FDFT1: variants seen among roughly 807,000 people sequenced by gnomAD.
FDFT1 encodes farnesyl-diphosphate farnesyltransferase 1.
In FDFT1, 68 loss-of-function variants were observed where a neutral mutation model predicts 46.8. The ratio of observed to expected loss-of-function variants is 1.45; its 90% confidence interval spans 1.19 to 1.78. The LOEUF (loss-of-function observed/expected upper bound fraction) is 1.78. Ranked by LOEUF, FDFT1 falls within the 40% of genes most tolerant of loss-of-function variation. The pLI, the probability that FDFT1 is intolerant of heterozygous loss-of-function variation, is 0.00. For missense variants in FDFT1, 928 were observed against 524.4 expected, an observed-to-expected ratio of 1.77 and a Z score of -7.52; for synonymous variants, 351 against 185.1, an observed-to-expected ratio of 1.90 and a Z score of -7.28.
chr8:11,827,884 A>G (rs1810220934), intron 5 of FDFT1, among the ~76,000 whole-genome samples: 1 of 148,952 alleles, frequency 6.7e-6, no homozygotes, highest in Admixed American at 6.6e-5. Context: ...TTAAAACAAA[A>G]CAAAACAAAA....
chr8:11,834,370 C>A (rs757602638), intron 7 of FDFT1, among the ~76,000 whole-genome samples: 1 of 152,218 alleles, frequency 6.6e-6, no homozygotes, highest in Non-Finnish European at 1.5e-5. Context: ...AAATGCTCAG[C>A]CAAACGGCCA....
chr8:11,809,166 G>GA, intron 2 of FDFT1: 1 of 1,284,580 alleles, frequency 7.8e-7, no homozygotes, highest in East Asian at 3.5e-5. Context: ...ACCTGCCTGT[G>GA]AGCAGGTCGT....
chr8:11,820,471 G>A (rs115541408), intron 3 of FDFT1, among the ~76,000 whole-genome samples: 3 of 141,358 alleles, frequency 2.1e-5, no homozygotes, highest in African/African-American at 7.5e-5. Context: ...ATCTAGAGAG[G>A]CAGTAGGCCT....
At chr8:11,796,366 G>T (rs781033859) in intron 1 of FDFT1, among the ~76,000 whole-genome samples, 3 of 152,166 alleles carry the variant, frequency 2.0e-5, no homozygotes, top group Non-Finnish European at 4.4e-5. Flanking sequence ...GCCACTGTGA[G>T]GTGGCGAAAC....
rs890279152 is a variant in FDFT1 at position 11,839,187 on chromosome 8, T to C, written c.*578T>C. 1 of 153,480 alleles carries C rather than the reference T, an allele frequency of 6.5e-6. No individual in the cohort carries two copies. Among genetic ancestry groups the C allele is most frequent in the Non-Finnish European group, 1.5e-5 (1 of 68,752 alleles). 9.5% of individuals were successfully genotyped at this position (153,480 alleles called of 1,614,324 possible). A position where few individuals can be genotyped will look rare whatever the true frequency, so the allele number is the denominator to read the frequency against. ...ATTCTCGTATTCTCATTTAAAGGAG[T>C]TTAGCTTTCAGAGAGAAACAGCAGG... On this transcript the variant is annotated 3_prime_UTR_variant, in exon 8 of 8. Transcript: ENST00000220584.
chr8:11,810,933 T>TAA (rs71539744), intron 3 of FDFT1, among the ~76,000 whole-genome samples: 15,057 of 89,176 alleles, frequency 0.17, 1,076 homozygotes, highest in East Asian at 0.36. Context: ...GAGCAATATT[T>TAA]AAAAAAAAAA....
chr8:11,796,919 G>C (rs1262362041), intron 1 of FDFT1, among the ~76,000 whole-genome samples: 1 of 152,240 alleles, frequency 6.6e-6, no homozygotes, highest in Non-Finnish European at 1.5e-5. Context: ...TGCAGAGTAG[G>C]GCTGCTCCGC....
At position 11,803,170 on chromosome 8, in the gene FDFT1, G is replaced by T. The variant is rs1806358621; in HGVS notation, c.99+239G>T. ...CCTGGGCATGAGCGACTTTTGCGTG[G>T]TTCCCGGTGGTTGCGCTCCCCGTTT... On this transcript the variant is annotated intron_variant, in intron 1 of 7. Transcript: ENST00000220584. 6.3e-6 allele frequency: 9 copies of T among 1,419,668 alleles called. No homozygotes were observed. The South Asian group carries it at 1.1e-4, about 18-fold the overall frequency. The allele number at this position is 1,419,668 out of a possible 1,614,324, so 87.9% of individuals were successfully genotyped here.
chr8:11,802,436 C>T (rs1489197560), upstream of FDFT1: 5 of 459,826 alleles, frequency 1.1e-5, no homozygotes, highest in Admixed American at 1.2e-4. Flanking sequence ...GTCCCCACAG[C>T]GTTCGCGCTC....
chr8:11,818,405 C>T (rs1358721135), intron 3 of FDFT1, among the ~76,000 whole-genome samples: 2 of 152,156 alleles, frequency 1.3e-5, no homozygotes, highest in Non-Finnish European at 2.9e-5. Flanking sequence ...AGTTCAAGTC[C>T]TGGATATCCT....
rs554286235 is a variant in FDFT1, at chr8:11,802,856, C to G, written c.24C>G (p.Gly8=). Residue 8 remains glycine (G), a synonymous_variant, in exon 1 of 8, where the codon GGC becomes GGG. Transcript: ENST00000220584. ...GGATGGAGTTCGTGAAATGCCTTGG[C>G]CACCCCGAAGAGTTCTACAACCTGG... MEFVKCL[G]HPEEFYNLVR... is the part of the protein sequence containing the mutation. 50 of 1,611,406 alleles carry G rather than the reference C, an allele frequency of 3.1e-5. No homozygotes were observed. The South Asian group carries it at 4.3e-4, about 14-fold the overall frequency.
exon 1 of FDFT1, chr8:11,795,604 A>C (rs1057242804): frequency 6.7e-6 from 1 of 149,468 alleles, no homozygotes; most frequent in Non-Finnish European, 1.5e-5. Flanking sequence ...GGTTTGCTTT[A>C]CAACGCTTGG....
At chr8:11,810,032 A>T (rs1307984854) in intron 3 of FDFT1, 182 bp downstream of exon 3, 6 of 544,466 alleles carry the variant, frequency 1.1e-5, no homozygotes, top group Non-Finnish European at 1.9e-5. Flanking sequence ...TGGAATCTCA[A>T]ATCTCCCACT....
chr8:11,813,126 T>C (rs1293043634), intron 3 of FDFT1, among the ~76,000 whole-genome samples: 1 of 152,098 alleles, frequency 6.6e-6, no homozygotes, highest in Non-Finnish European at 1.5e-5. Flanking sequence ...TATTTAAACA[T>C]AGAAAAGGTA....
chr8:11,821,848 G>A lies in FDFT1; in HGVS notation c.480G>A (p.Lys160=). ...TTGGGATGGCAGAGTTTTTGGATAA[G>A]CATGTGACCTCTGAACAGGAGTGGG... ...MGIGMAEFLD[K]HVTSEQEWDK... The change falls in exon 4 of 8, where the codon AAG becomes AAA. Residue 160 remains lysine (K), a synonymous_variant. Transcript: ENST00000220584. The A allele has an allele frequency of 6.2e-7, 1 of 1,613,412 alleles. No homozygotes were observed. Among genetic ancestry groups the A allele is most frequent in the South Asian group, 1.1e-5 (1 of 91,072 alleles).
At chr8:11,812,988 C>T (rs774620877) in intron 3 of FDFT1, among the ~76,000 whole-genome samples, 17 of 152,132 alleles carry the variant, frequency 1.1e-4, no homozygotes, top group Non-Finnish European at 2.4e-4. Flanking sequence ...TTACACATAC[C>T]AAGATGGCAT....
intron 3 of FDFT1, among the ~76,000 whole-genome samples, chr8:11,819,397 C>T (rs1282085446): frequency 6.6e-6 from 1 of 152,146 alleles, no homozygotes; most frequent in Admixed American, 6.5e-5. Context: ...GTTGACCTGC[C>T]TTGCTAGGTT....
intron 1 of FDFT1, among the ~76,000 whole-genome samples, chr8:11,806,182 C>G (rs1202445386): frequency 6.6e-6 from 1 of 152,110 alleles, no homozygotes; most frequent in African/African-American, 2.4e-5. Flanking sequence ...ACCCCCACAC[C>G]CTTCCTCTAA....
At position 11,826,994 on chromosome 8, in the gene FDFT1, A is replaced by T. The variant is rs535951600; in HGVS notation, c.702+779A>T. ...GGGATGGCAGGTAGACAAAAACTCC[A>T]GGTGTCTGTAATAAGGGACAGGGTC... On this transcript the variant is annotated intron_variant, in intron 5 of 7. Coordinates refer to ENST00000220584, the MANE Select transcript of FDFT1 (RefSeq NM_004462.5). 8.5e-5 allele frequency among the ~76,000 whole-genome samples: 13 copies of T among 152,370 alleles called. No individual in the cohort carries two copies. The South Asian group carries it at 1.2e-3, about 15-fold the overall frequency.
Sources: gnomAD v4.1 joint callset for allele counts (sites outside exome capture counted in the v4.1 genomes callset) on GRCh38, gnomAD v4.1.1 for gene constraint, MANE v1.5 for transcripts, NCBI Gene and HGNC (gene_info 2026-07-23, HGNC 2026-07-21) for gene names.